Variants in METTL2B observed in about 807,000 individuals in gnomAD.
The protein encoded by METTL2B is methyltransferase 2B, tRNA N3-cytidine.
METTL2B carries 28 observed loss-of-function variants against 51.0 expected under a neutral mutation model. The observed-to-expected ratio is 0.55, with a 90% confidence interval of 0.41 to 0.75. The LOEUF (loss-of-function observed/expected upper bound fraction) is 0.75. Among genes scored for constraint, METTL2B ranks in the 30% least tolerant of loss-of-function variants. The pLI is 0.00. For missense variants in METTL2B, 313 were observed against 460.7 expected, an observed-to-expected ratio of 0.68 and a Z score of 2.93; for synonymous variants, 128 against 166.3, an observed-to-expected ratio of 0.77 and a Z score of 1.77.
intron 7 of METTL2B, among the ~76,000 whole-genome samples, chr7:128,499,517 CTTT>C (rs1297101344): frequency 2.5e-5 from 3 of 119,892 alleles, no homozygotes; most frequent in Non-Finnish European, 5.2e-5. Context: ...TATTAACAGC[CTTT>C]TTTTTTTTTT....
chr7:128,482,294 AG>A (rs1446071834), intron 4 of METTL2B, among the ~76,000 whole-genome samples: 1 of 150,962 alleles, frequency 6.6e-6, no homozygotes, highest in Non-Finnish European at 1.5e-5. Flanking sequence ...GCTGGGATTA[AG>A]GGTGCATGCC....
At position 128,477,086 on chromosome 7, in the gene METTL2B, A is replaced by G; in HGVS notation, c.115A>G (p.Asn39Asp). The change falls in exon 2 of 9, where the codon AAT becomes GAT. Residue 39 changes from asparagine to aspartate, a missense_variant. By Grantham distance (23) the Asn-to-Asp change is conservative. Transcript: ENST00000262432. Reference sequence around the variant, plus strand: ...CTGCCCGTTTGATTTTCTCAGGGACAATGTGGAGTGGTCGGAAGAGCAAGC... The same window carrying G: ...CTGCCCGTTTGATTTTCTCAGGGACGATGTGGAGTGGTCGGAAGAGCAAGC... The part of the protein sequence containing the change: ...ARVFHHNAWD[N>D]VEWSEEQAAA... 6.2e-7 allele frequency: 1 copy of G among 1,614,134 alleles called. No individual in the cohort carries two copies. The highest frequency in any genetic ancestry group is 2.2e-5 in the East Asian group (1 of 44,878).
rs1049713489 is a variant in METTL2B at position 128,476,976 on chromosome 7, C to G, written c.110+101C>G. ...TGACCGCCGGCCACGAGTCAAGCTG[C>G]CCTACCCGAGGCACTCTCCAAGGGG... On this transcript the variant is annotated intron_variant, in intron 1 of 8. Transcript: ENST00000262432. 29 of 1,589,956 alleles carry G rather than the reference C, an allele frequency of 1.8e-5. No homozygotes were observed. The African/African-American group carries it at 2.8e-4, about 15-fold the overall frequency.
chr7:128,488,409 C>T (rs947893523), intron 5 of METTL2B: 7 of 643,758 alleles, frequency 1.1e-5, no homozygotes, highest in African/African-American at 1.8e-5. Flanking sequence ...CTACCAGTGC[C>T]GTTTCTCCAC....
rs1584799859 is a variant in METTL2B at position 128,503,768 on chromosome 7, T to C, written c.*1852T>C. ...ATCCCAGCACTTTGGGAGGCTGAGG[T>C]GGGCAGATCACTTGAGGTCAGGAGT... On this transcript the variant is annotated 3_prime_UTR_variant, in exon 9 of 9. Coordinates refer to ENST00000262432, the MANE Select transcript of METTL2B (RefSeq NM_018396.3). The C allele has an allele frequency of 1.3e-5, 2 of 152,152 alleles. No homozygotes were observed. The highest frequency in any genetic ancestry group is 1.3e-4 in the Admixed American group (2 of 15,240). 9.4% of individuals were successfully genotyped at this position (152,152 alleles called of 1,614,324 possible).
At position 128,501,497 on chromosome 7, in the gene METTL2B, A is replaced by C. The variant is rs570813522; in HGVS notation, c.983-265A>C. 1.7e-5 allele frequency: 17 copies of C among 985,454 alleles called. No individual in the cohort carries two copies. In the South Asian group the frequency reaches 8.0e-4, roughly 46 times the overall value. The allele number at this position is 985,454 out of a possible 1,614,324, so 61.0% of individuals were successfully genotyped here. A position where few individuals can be genotyped will look rare whatever the true frequency, so the allele number is the denominator to read the frequency against. On this transcript the variant is annotated intron_variant, in intron 8 of 8. Coordinates refer to ENST00000262432, the MANE Select transcript of METTL2B (RefSeq NM_018396.3). ...CTTTGACATACGTAGATAGTTTTGC[A>C]TAAATTTTAAGGTGTTCATAGAGCC...
chr7:128,488,583 T>G (rs750373136), intron 5 of METTL2B: 37 of 436,870 alleles, frequency 8.5e-5, no homozygotes, highest in Non-Finnish European at 1.6e-4. Context: ...AATAAATGCA[T>G]GTGTTGTGAC....
At chr7:128,501,303 G>T in intron 8 of METTL2B, 3 of 985,440 alleles carry the variant, frequency 3.0e-6, no homozygotes, top group Non-Finnish European at 3.6e-6. Context: ...GGTGTGCCTG[G>T]GTCAGGGTGA....
chr7:128,487,681 C>T (rs563763127), intron 4 of METTL2B, among the ~76,000 whole-genome samples: 2 of 152,262 alleles, frequency 1.3e-5, no homozygotes, highest in East Asian at 1.9e-4. Context: ...ATGTAATCGC[C>T]GCTGTGAAAG....
In METTL2B at chr7:128,498,141, A is replaced by C; in HGVS notation, c.915A>C (p.Lys305Asn). 6.2e-7 allele frequency: 1 copy of C among 1,613,040 alleles called. No individual in the cohort carries two copies. Among genetic ancestry groups the C allele is most frequent in the Non-Finnish European group, 8.5e-7 (1 of 1,179,412 alleles). The change falls in exon 7 of 9, where the codon AAA becomes AAC. Residue 305 changes from lysine to asparagine, a missense_variant and splice_region_variant. By Grantham distance (94) the Lys-to-Asn change is moderately conservative. This residue lies in a region of METTL2B where 138 missense variants were observed against 187.6 expected (regional missense o/e 0.74). Coordinates refer to ENST00000262432, the MANE Select transcript of METTL2B (RefSeq NM_018396.3). ...ACATGGCTCAGCTTCGGTTTAAAAA[A>C]GGTATTTTGAGAGTGCTGAATCCTA... is the stretch of plus-strand genomic sequence containing the variant. ...RYDMAQLRFK[K>N]GQCLSGNFYV...
At chr7:128,497,286 A>G (rs1250373790) in intron 6 of METTL2B, among the ~76,000 whole-genome samples, 1 of 152,156 alleles carries the variant, frequency 6.6e-6, no homozygotes, top group Admixed American at 6.6e-5. Flanking sequence ...TCTTGAGGAC[A>G]AGTCTTCATT....
intron 5 of METTL2B, chr7:128,488,616 A>G (rs1452883355): frequency 2.2e-4 from 91 of 408,174 alleles, no homozygotes; most frequent in Non-Finnish European, 9.2e-5. Context: ...CTGCCATTCC[A>G]TTTCTCTCCC....
At chr7:128,488,238 C>G in intron 5 of METTL2B, 77 bp downstream of exon 5, 1 of 1,473,738 alleles carries the variant, frequency 6.8e-7, no homozygotes, top group Non-Finnish European at 9.4e-7. Context: ...ATCAAGGTCT[C>G]TGGCTGTGTT....
intron 2 of METTL2B, 51 bp downstream of exon 2, chr7:128,477,224 C>G (rs1563025722): frequency 6.2e-7 from 1 of 1,608,892 alleles, no homozygotes; most frequent in African/African-American, 1.3e-5. Flanking sequence ...TACTGCCGAA[C>G]GCGCCCTCCC....
At position 128,504,234 on chromosome 7, in the gene METTL2B, T is replaced by C. The variant is rs533526158; in HGVS notation, c.*2318T>C. 1 of 152,180 alleles carries C rather than the reference T, an allele frequency of 6.6e-6. No individual in the cohort carries two copies. Among genetic ancestry groups the C allele is most frequent in the Admixed American group, 6.6e-5 (1 of 15,256 alleles). 9.4% of individuals were successfully genotyped at this position (152,180 alleles called of 1,614,324 possible). A position where few individuals can be genotyped will look rare whatever the true frequency, so the allele number is the denominator to read the frequency against. The stretch of plus-strand genomic sequence containing the variant: ...ATAGCTTTGTCACACAAAAACATGA[T>C]TATGTTGGCTGGGCACAGTGGCTCC... On this transcript the variant is annotated 3_prime_UTR_variant, in exon 9 of 9. Coordinates refer to ENST00000262432, the MANE Select transcript of METTL2B (RefSeq NM_018396.3).
chr7:128,487,176 T>A (rs1792734418), intron 4 of METTL2B, among the ~76,000 whole-genome samples: 2 of 152,144 alleles, frequency 1.3e-5, no homozygotes, highest in Admixed American at 6.6e-5. Flanking sequence ...GGGTTTTTAG[T>A]CTTGATTATA....
At position 128,490,325 on chromosome 7, in the gene METTL2B, CT is replaced by C. The variant is rs56261578; in HGVS notation, c.669+2182del. On this transcript the variant is annotated intron_variant, in intron 5 of 8. Coordinates refer to ENST00000262432, the MANE Select transcript of METTL2B (RefSeq NM_018396.3). ...AATTCAGTTACATCTTCAGGCTTCA[CT>C]TTTTTTTTTTTTTTTTTGAGACAGG... is the stretch of plus-strand genomic sequence containing the variant. 1.3e-3 allele frequency among the ~76,000 whole-genome samples: 172 copies of C among 131,840 alleles called. 1 individual carries two copies. Among genetic ancestry groups the C allele is most frequent in the Middle Eastern group, 3.9e-3 (1 of 254 alleles). The allele number at this position is 131,840 out of a possible 152,430, so 86.5% of individuals were successfully genotyped here.
At chr7:128,497,002 C>T (rs1344355368) in intron 6 of METTL2B, among the ~76,000 whole-genome samples, 1 of 151,928 alleles carries the variant, frequency 6.6e-6, no homozygotes. Context: ...TGGCTGGTCT[C>T]GAACTCCTGA....
chr7:128,478,492 G>A (rs1309684722), intron 2 of METTL2B, among the ~76,000 whole-genome samples: 2 of 149,520 alleles, frequency 1.3e-5, no homozygotes, highest in Admixed American at 6.7e-5. Flanking sequence ...CTCGTGATCC[G>A]CCCATCTTAG....
Sources: gnomAD v4.1 joint callset for allele counts (sites outside exome capture counted in the v4.1 genomes callset) on GRCh38, gnomAD v4.1.1 for gene constraint, gnomAD v4.1.1 regional missense constraint, MANE v1.5 for transcripts, NCBI Gene and HGNC (gene_info 2026-07-23, HGNC 2026-07-21) for gene names.